Variants in TSGA10 observed in about 807,000 individuals in gnomAD.
TSGA10 encodes the protein testis specific 10, also known as testis-specific gene 10 protein.
Under a neutral mutation model 96.6 loss-of-function variants are expected in TSGA10, and 43 were observed. That is an observed-to-expected ratio of 0.44 (90% CI 0.35 to 0.57). The LOEUF is 0.57. Among genes scored for constraint, TSGA10 ranks in the 20% least tolerant of loss-of-function variants. The probability of loss-of-function intolerance (pLI) is 0.01; values close to 1 mark genes in which losing one functional copy is unlikely to be tolerated. For synonymous variants in TSGA10, 229 were observed against 269.9 expected (o/e 0.85, Z 1.48); for missense variants, 703 against 834.4 (o/e 0.84, Z 1.94).
At chr2:99,018,789 A>G in intron 18 of TSGA10, 149 bp from the exon 19 acceptor site, 1 of 678,448 alleles carries the variant, frequency 1.5e-6, no homozygotes, top group Non-Finnish European at 2.4e-6. Context: ...TACATCTAAA[A>G]TATGCCCATG....
intron 16 of TSGA10, among the ~76,000 whole-genome samples, chr2:99,051,656 C>T (rs2083404152): frequency 6.6e-6 from 1 of 151,876 alleles, no homozygotes; most frequent in African/African-American, 2.4e-5. Context: ...TAGATCATTT[C>T]ATCAAACAAA....
intron 16 of TSGA10, 44 bp downstream of exon 16, chr2:99,064,895 A>C (rs763207092): frequency 6.8e-7 from 1 of 1,477,198 alleles, no homozygotes; most frequent in Non-Finnish European, 9.0e-7. Flanking sequence ...AACTCTTTTA[A>C]ATATGATGCA....
chr2:99,005,873 C>G (rs1403710818), intron 20 of TSGA10, among the ~76,000 whole-genome samples: 1 of 152,186 alleles, frequency 6.6e-6, no homozygotes, highest in African/African-American at 2.4e-5. Flanking sequence ...GGAGGCATCA[C>G]GTTACCTGAC....
At chr2:99,017,933 A>G (rs2079668613) in intron 20 of TSGA10, among the ~76,000 whole-genome samples, 1 of 152,080 alleles carries the variant, frequency 6.6e-6, no homozygotes, top group Non-Finnish European at 1.5e-5. Context: ...GGTGTAACAA[A>G]AAACCACCTG....
At chr2:99,141,865 GGC>G (rs1413268211) in intron 1 of TSGA10, 1 of 152,432 alleles carries the variant, frequency 6.6e-6, no homozygotes, top group East Asian at 1.9e-4. Flanking sequence ...CTGCAGCCAG[GGC>G]CCGTTTTAAG....
At chr2:99,042,010 A>C (rs553580246) in intron 16 of TSGA10, among the ~76,000 whole-genome samples, 16 of 151,086 alleles carry the variant, frequency 1.1e-4, no homozygotes, top group African/African-American at 3.9e-4. Flanking sequence ...AAAGTGGGCT[A>C]TGCACATGAA....
intron 12 of TSGA10, among the ~76,000 whole-genome samples, chr2:99,077,730 T>A (rs917787396): frequency 2.0e-5 from 3 of 151,710 alleles, no homozygotes; most frequent in Non-Finnish European, 2.9e-5. Context: ...CCCAGCTAAT[T>A]TTTTGTATTT....
At chr2:99,105,887 G>A (rs531608331) in intron 7 of TSGA10, among the ~76,000 whole-genome samples, 190 bp from the exon 8 acceptor site, 3 of 152,298 alleles carry the variant, frequency 2.0e-5, no homozygotes, top group Admixed American at 1.3e-4. Flanking sequence ...AGAAGTTCAT[G>A]TTACAACATC....
chr2:99,116,446 T>C (rs551525362), intron 4 of TSGA10, among the ~76,000 whole-genome samples: 1 of 151,984 alleles, frequency 6.6e-6, no homozygotes, highest in Non-Finnish European at 1.5e-5. Flanking sequence ...AATGAATCAA[T>C]GAAAACAAAT....
intron 10 of TSGA10, among the ~76,000 whole-genome samples, chr2:99,086,336 A>G (rs1442752907): frequency 6.6e-6 from 1 of 152,230 alleles, no homozygotes; most frequent in Non-Finnish European, 1.5e-5. Context: ...ATGTATGTTA[A>G]AAGTTTTAAC....
Position 99,108,991 on chromosome 2 carries a change from C to T in TSGA10, c.52G>A (p.Gly18Ser). 1 of 1,535,534 alleles carries T rather than the reference C, an allele frequency of 6.5e-7. No individual in the cohort carries two copies. The highest frequency in any genetic ancestry group is 2.4e-5 in the East Asian group (1 of 42,512). The change falls in exon 7 of 21, where the codon GGT (glycine) becomes AGT (serine). Residue 18 changes from glycine (G) to serine (S), a missense_variant and splice_region_variant. Transcript: ENST00000393483. ...SPRRPSPTAR[G>S]ANCDVELLKT... ...AAAAGTTCTACATCACAGTTTGCACCCTATAATTATATAAGGAATTTGAAA... is the reference window on the plus strand; with the variant it reads ...AAAAGTTCTACATCACAGTTTGCACTCTATAATTATATAAGGAATTTGAAA...
chr2:99,046,117 A>C (rs1226392427), intron 16 of TSGA10, among the ~76,000 whole-genome samples: 2 of 152,182 alleles, frequency 1.3e-5, no homozygotes, highest in African/African-American at 4.8e-5. Flanking sequence ...CCCACATAAT[A>C]ATAATGGGAG....
At chr2:99,070,790 A>C (rs2085869015) in intron 14 of TSGA10, among the ~76,000 whole-genome samples, 1 of 152,150 alleles carries the variant, frequency 6.6e-6, no homozygotes. Flanking sequence ...TTAGATTTAC[A>C]GAAAAGTTGT....
At chr2:99,100,903 A>C (rs1165848027) in intron 10 of TSGA10, among the ~76,000 whole-genome samples, 1 of 150,834 alleles carries the variant, frequency 6.6e-6, no homozygotes, top group Non-Finnish European at 1.5e-5. Flanking sequence ...TCATGATCTT[A>C]AGGTACAAAA....
chr2:99,043,842 T>C (rs2082455018), intron 16 of TSGA10, among the ~76,000 whole-genome samples: 1 of 152,026 alleles, frequency 6.6e-6, no homozygotes, highest in Non-Finnish European at 1.5e-5. Flanking sequence ...TCTACAGAAA[T>C]GCTACAAGCC....
chr2:99,053,707 T>A (rs1274940635), intron 16 of TSGA10, among the ~76,000 whole-genome samples: 1 of 152,100 alleles, frequency 6.6e-6, no homozygotes, highest in Non-Finnish European at 1.5e-5. Flanking sequence ...TTAGAAGTAA[T>A]AAATTCAGTA....
At chr2:99,005,966 C>G (rs2078430597) in intron 20 of TSGA10, among the ~76,000 whole-genome samples, 2 of 152,002 alleles carry the variant, frequency 1.3e-5, no homozygotes, top group South Asian at 2.1e-4. Flanking sequence ...TGGAACAGAA[C>G]AGAGCCCTCA....
At chr2:99,105,848 C>T (rs1046561682) in intron 7 of TSGA10, 151 bp from the exon 8 acceptor site, 4 of 481,708 alleles carry the variant, frequency 8.3e-6, no homozygotes, top group African/African-American at 5.8e-5. Flanking sequence ...TAAGCTTATA[C>T]AAATAAATGA....
intron 20 of TSGA10, among the ~76,000 whole-genome samples, chr2:99,006,654 G>A (rs112355393): frequency 0.35 from 53,283 of 152,020 alleles, 10,671 homozygotes; most frequent in African/African-American, 0.55. Context: ...AACAGGTGCT[G>A]GAGAGGATGT....
Sources: allele counts gnomAD v4.1 joint callset (sites outside exome capture counted in the v4.1 genomes callset), GRCh38; gene constraint gnomAD v4.1.1; transcripts MANE v1.5; gene names NCBI Gene and HGNC (gene_info 2026-07-23, HGNC 2026-07-21).